BFSP2: variants seen among roughly 807,000 people sequenced by gnomAD.
BFSP2 encodes the protein beaded filament structural protein 2.
A neutral mutation model predicts 44.9 loss-of-function variants in BFSP2; 38 were observed. That is an observed-to-expected ratio of 0.85 (90% CI 0.65 to 1.11). The LOEUF (loss-of-function observed/expected upper bound fraction) is 1.11. BFSP2 is among the 50% of genes least tolerant of loss of function. The pLI, the probability that BFSP2 is intolerant of heterozygous loss-of-function variation, is 0.00. For missense variants in BFSP2, 525 were observed against 533.0 expected (o/e 0.99, Z 0.15); for synonymous variants, 197 against 209.9 (o/e 0.94, Z 0.53).
chr3:133,466,704 T>G, intron 4 of BFSP2, 124 bp from the exon 5 acceptor site: 1 of 235,056 alleles, frequency 4.3e-6, no homozygotes. Flanking sequence ...AAAAGATGTT[T>G]CCACGTGACA....
At chr3:133,434,031 C>T (rs139847103) in intron 1 of BFSP2, among the ~76,000 whole-genome samples, 2 of 152,200 alleles carry the variant, frequency 1.3e-5, no homozygotes, top group Non-Finnish European at 2.9e-5. Flanking sequence ...CATACATGCC[C>T]TGCTCTTGTT....
intron 5 of BFSP2, among the ~76,000 whole-genome samples, chr3:133,468,925 C>T (rs1023391098): frequency 5.9e-5 from 9 of 152,192 alleles, no homozygotes; most frequent in Non-Finnish European, 1.2e-4. Flanking sequence ...TAATGTATGT[C>T]AAGCCCTTAG....
intron 6 of BFSP2, among the ~76,000 whole-genome samples, chr3:133,473,726 T>A (rs534933308): frequency 1.4e-4 from 21 of 151,754 alleles, no homozygotes; most frequent in Non-Finnish European, 2.9e-4. Context: ...CTTAATCCAT[T>A]TAACCCTGAG....
At chr3:133,404,603 T>C (rs888591796) in intron 1 of BFSP2, among the ~76,000 whole-genome samples, 11 of 152,198 alleles carry the variant, frequency 7.2e-5, no homozygotes, top group African/African-American at 1.9e-4. Context: ...AAGGTCTGCA[T>C]GAGCATCCCC....
intron 1 of BFSP2, among the ~76,000 whole-genome samples, chr3:133,422,797 G>GCC (rs2073605165): frequency 7.4e-5 from 1 of 13,602 alleles, no homozygotes; most frequent in Non-Finnish European, 1.9e-4. Context: ...TTGCCAAATA[G>GCC]CAGGGTAGGG....
At chr3:133,415,894 T>C in intron 1 of BFSP2, among the ~76,000 whole-genome samples, 1 of 109,610 alleles carries the variant, frequency 9.1e-6, no homozygotes, top group East Asian at 3.4e-4. Context: ...TACTCACGCT[T>C]GCCCTCTCCC....
chr3:133,430,579 T>C (rs2073704542), intron 1 of BFSP2, among the ~76,000 whole-genome samples: 1 of 152,158 alleles, frequency 6.6e-6, no homozygotes, highest in Non-Finnish European at 1.5e-5. Flanking sequence ...CTTTCAATTT[T>C]TCCACCCTAC....
At chr3:133,462,926 C>A (rs2107937323) in intron 4 of BFSP2, among the ~76,000 whole-genome samples, 1 of 152,252 alleles carries the variant, frequency 6.6e-6, no homozygotes, top group Non-Finnish European at 1.5e-5. Context: ...TCAATTCTTG[C>A]CTCCTCAGAA....
intron 5 of BFSP2, among the ~76,000 whole-genome samples, chr3:133,472,100 C>A (rs2074167756): frequency 6.6e-6 from 1 of 152,020 alleles, no homozygotes; most frequent in Admixed American, 6.6e-5. Context: ...TTTTTCGCCT[C>A]CCTCACCCTC....
intron 1 of BFSP2, among the ~76,000 whole-genome samples, chr3:133,425,668 T>C (rs977523039): frequency 1.3e-5 from 2 of 151,784 alleles, no homozygotes; most frequent in Non-Finnish European, 2.9e-5. Context: ...GCAAGGATGC[T>C]GAAGTCAGTT....
intron 1 of BFSP2, among the ~76,000 whole-genome samples, chr3:133,415,075 T>C (rs1211462507): frequency 2.6e-4 from 23 of 87,716 alleles, no homozygotes; most frequent in South Asian, 4.7e-4. Flanking sequence ...CCCCTCTACT[T>C]GCCCCAGTCC....
intron 3 of BFSP2, among the ~76,000 whole-genome samples, chr3:133,450,020 G>GGAAGGAAGGAA (rs1559976164): frequency 5.1e-4 from 17 of 33,306 alleles, no homozygotes; most frequent in African/African-American, 1.3e-3. Flanking sequence ...GAAGGAAGGA[G>GGAAGGAAGGAA]GGAGGGAGGG....
chr3:133,412,746 G>A (rs2073468415), intron 1 of BFSP2, among the ~76,000 whole-genome samples: 1 of 152,242 alleles, frequency 6.6e-6, no homozygotes, highest in Non-Finnish European at 1.5e-5. Flanking sequence ...GACACACAGC[G>A]GGTGTTCAAG....
chr3:133,457,175 G>T (rs2074019708), intron 4 of BFSP2, among the ~76,000 whole-genome samples: 2 of 152,174 alleles, frequency 1.3e-5, no homozygotes, highest in African/African-American at 4.8e-5. Context: ...TAATCTAGAG[G>T]CTCCTGTGTG....
At chr3:133,410,322 C>A (rs777366535) in intron 1 of BFSP2, 1 of 367,414 alleles carries the variant, frequency 2.7e-6, no homozygotes, top group Non-Finnish European at 5.3e-6. Flanking sequence ...CAGGTGGCAG[C>A]AGTGGCACTA....
intron 6 of BFSP2, among the ~76,000 whole-genome samples, chr3:133,474,542 T>A (rs1175010870): frequency 6.6e-6 from 1 of 152,258 alleles, no homozygotes; most frequent in Non-Finnish European, 1.5e-5. Flanking sequence ...AAAAGCCAGA[T>A]GTTCCTAACA....
chr3:133,452,747 G>A (rs1157026605), intron 4 of BFSP2, among the ~76,000 whole-genome samples: 1 of 152,126 alleles, frequency 6.6e-6, no homozygotes, highest in Non-Finnish European at 1.5e-5. Flanking sequence ...TTTCTCCCCT[G>A]GCTCTGCTTC....
At chr3:133,444,990 G>A (rs930938529) in intron 1 of BFSP2, among the ~76,000 whole-genome samples, 1 of 152,138 alleles carries the variant, frequency 6.6e-6, no homozygotes, top group African/African-American at 2.4e-5. Flanking sequence ...TGTGCCCAAG[G>A]CCTTCCCTCT....
At chr3:133,414,416 T>C (rs1576560473) in intron 1 of BFSP2, among the ~76,000 whole-genome samples, 1 of 40,726 alleles carries the variant, frequency 2.5e-5, no homozygotes. Flanking sequence ...CCCTCTCCCC[T>C]CTACTTACCC....
Sources: gnomAD v4.1 joint callset for allele counts (sites outside exome capture counted in the v4.1 genomes callset) on GRCh38, gnomAD v4.1.1 for gene constraint, MANE v1.5 for transcripts, NCBI Gene and HGNC (gene_info 2026-07-23, HGNC 2026-07-21) for gene names.